CHD2: variants seen among roughly 807,000 people sequenced by gnomAD.
CHD2 encodes the protein ATP-dependent chromatin remodeler CHD2.
Under a neutral mutation model 243.9 loss-of-function variants are expected in CHD2, and 28 were observed. That is an observed-to-expected ratio of 0.11 (90% CI 0.09 to 0.16). The LOEUF is 0.16. CHD2 is among the 10% of genes least tolerant of loss of function. The probability of loss-of-function intolerance (pLI) is 1.00; values close to 1 mark genes in which losing one functional copy is unlikely to be tolerated. For missense variants in CHD2, 1,386 were observed against 2,209.8 expected (o/e 0.63, Z 7.47); for synonymous variants, 775 against 779.0 (o/e 0.99, Z 0.09).
chr15:92,919,454 A>C (rs1016425603), intron 2 of CHD2, among the ~76,000 whole-genome samples: 1 of 151,582 alleles, frequency 6.6e-6, no homozygotes, highest in Non-Finnish European at 1.5e-5. Flanking sequence ...GTGCAATGGC[A>C]CGATTGCGGC....
At chr15:92,999,083 C>CAAAAAAAAAAAAAAAAAAA (rs55738843) in intron 31 of CHD2, among the ~76,000 whole-genome samples, 5 of 65,528 alleles carry the variant, frequency 7.6e-5, no homozygotes, top group Non-Finnish European at 1.1e-4. Context: ...GACTCCGTCT[C>CAAAAAAAAAAAAAAAAAAA]AAAAAAAAAA....
chr15:92,986,859 G>C (rs1380693971), intron 26 of CHD2, among the ~76,000 whole-genome samples: 1 of 152,050 alleles, frequency 6.6e-6, no homozygotes, highest in Non-Finnish European at 1.5e-5. Context: ...AGCCTCCCAG[G>C]TAGCCAGGTC....
intron 1 of CHD2, among the ~76,000 whole-genome samples, 158 bp from the exon 2 acceptor site, chr15:92,901,006 CTGT>C (rs1433537577): frequency 2.0e-5 from 3 of 150,470 alleles, no homozygotes; most frequent in African/African-American, 4.9e-5. Flanking sequence ...TCGGTTTATC[CTGT>C]TGTTTTTTCT....
intron 16 of CHD2, among the ~76,000 whole-genome samples, chr15:92,960,096 T>C (rs755540467): frequency 2.0e-5 from 3 of 152,226 alleles, no homozygotes; most frequent in Non-Finnish European, 2.9e-5. Context: ...ATTCAAAATA[T>C]TCTTTTAATT....
At chr15:92,999,915 TTG>T (rs2054232320) in intron 31 of CHD2, among the ~76,000 whole-genome samples, 5 of 152,200 alleles carry the variant, frequency 3.3e-5, no homozygotes, top group Non-Finnish European at 7.3e-5. Flanking sequence ...TTAAAAAAAA[TTG>T]TGTCTTTAGG....
At chr15:93,000,221 G>A (rs1042722466) in intron 31 of CHD2, among the ~76,000 whole-genome samples, 1 of 152,050 alleles carries the variant, frequency 6.6e-6, no homozygotes, top group South Asian at 2.1e-4. Flanking sequence ...AGGCAAGATG[G>A]CACCTCTACA....
At chr15:92,921,557 G>C (rs1210498084) in intron 2 of CHD2, 1 of 152,122 alleles carries the variant, frequency 6.6e-6, no homozygotes, top group African/African-American at 2.4e-5. Context: ...CTCTGTACCT[G>C]TCTGTCCATG....
chr15:92,921,495 C>T (rs996361174), intron 2 of CHD2: 5 of 152,132 alleles, frequency 3.3e-5, no homozygotes, highest in Non-Finnish European at 7.4e-5. Context: ...AGTAGACTGC[C>T]CTTTCTATTA....
chr15:93,001,676 C>T (rs2054258507), intron 32 of CHD2, among the ~76,000 whole-genome samples: 2 of 152,062 alleles, frequency 1.3e-5, no homozygotes, highest in Admixed American at 6.6e-5. Flanking sequence ...GCCACCACAC[C>T]TGGCTAGTTT....
intron 12 of CHD2, among the ~76,000 whole-genome samples, chr15:92,948,554 C>T (rs749678245): frequency 2.6e-4 from 39 of 152,200 alleles, no homozygotes; most frequent in Middle Eastern, 6.8e-3. Flanking sequence ...AAGTTTTTGG[C>T]CAGGCGCGGT....
chr15:93,020,380 G>C, intron 38 of CHD2, 122 bp downstream of exon 38: 4 of 1,236,042 alleles, frequency 3.2e-6, no homozygotes, highest in Non-Finnish European at 4.6e-6. Context: ...TCATGCATGT[G>C]TCAGCCACAG....
At chr15:92,903,486 T>C (rs2052559312) in intron 2 of CHD2, among the ~76,000 whole-genome samples, 1 of 152,216 alleles carries the variant, frequency 6.6e-6, no homozygotes, top group Non-Finnish European at 1.5e-5. Flanking sequence ...CAGTAGTTAA[T>C]AGTGGTTATA....
At chr15:92,923,561 G>GTTTTTT (rs1199703270) in intron 2 of CHD2, among the ~76,000 whole-genome samples, 4 of 121,528 alleles carry the variant, frequency 3.3e-5, no homozygotes, top group East Asian at 2.3e-4. Context: ...TGTCCAGCTT[G>GTTTTTT]TTTTTTTTTT....
chr15:93,027,162 C>T lies in CHD2; in HGVS notation c.*2457C>T, dbSNP rs1393035074. 2 of 152,572 alleles carry T rather than the reference C, an allele frequency of 1.3e-5. No homozygotes were observed. Among genetic ancestry groups the T allele is most frequent in the Non-Finnish European group, 2.9e-5 (2 of 68,034 alleles). 9.5% of individuals were successfully genotyped at this position (152,572 alleles called of 1,614,324 possible). ...TGCTGGGAAAAAGGAAGCATTTCTT[C>T]ATTGATTTAAATCAGTATGAATATT... On this transcript the variant is annotated 3_prime_UTR_variant, in exon 39 of 39. Transcript: ENST00000394196.
chr15:92,912,848 C>A (rs569105086), intron 2 of CHD2, among the ~76,000 whole-genome samples: 1 of 152,234 alleles, frequency 6.6e-6, no homozygotes, highest in East Asian at 1.9e-4. Flanking sequence ...CTGCGCCAGG[C>A]CCTGACAAAC....
In CHD2 at chr15:93,024,649, A is replaced by G; in HGVS notation, c.5431A>G (p.Arg1811Gly). ...CCTGGATCATAGGTCTCCTTTGGAG[A>G]GATCACTAGAACAGAAAAACAACCC... Reference protein sequence around the residue: ...SPLDHRSPLERSLEQKNNPDY... With the variant: ...SPLDHRSPLEGSLEQKNNPDY... Residue 1811 changes from arginine (R) to glycine (G), a missense_variant, in exon 39 of 39, where the codon AGA becomes GGA. Around this residue, in one of 19 missense-constraint regions of CHD2, gnomAD observed 347 missense variants for 341.6 expected, o/e 1.02. Transcript: ENST00000394196. 6.2e-7 allele frequency: 1 copy of G among 1,613,170 alleles called. No homozygotes were observed. The highest frequency in any genetic ancestry group is 1.1e-5 in the South Asian group (1 of 90,880).
chr15:92,970,199 A>T (rs1039831332), intron 17 of CHD2, among the ~76,000 whole-genome samples: 4 of 151,390 alleles, frequency 2.6e-5, no homozygotes, highest in African/African-American at 4.9e-5. Flanking sequence ...CCCCATAGGT[A>T]ATTATTATTA....
intron 2 of CHD2, among the ~76,000 whole-genome samples, chr15:92,912,187 C>T (rs1036610631): frequency 6.6e-6 from 1 of 152,132 alleles, no homozygotes; most frequent in African/African-American, 2.4e-5. Context: ...ACAGGTTTTG[C>T]ATGAGAATCA....
chr15:92,970,160 C>T (rs944167798), intron 17 of CHD2, among the ~76,000 whole-genome samples: 1 of 152,014 alleles, frequency 6.6e-6, no homozygotes, highest in African/African-American at 2.4e-5. Context: ...TAGCTTCAGT[C>T]CCTCTTCCCT....
Sources: gnomAD v4.1 joint callset for allele counts (sites outside exome capture counted in the v4.1 genomes callset) on GRCh38, gnomAD v4.1.1 for gene constraint, gnomAD v4.1.1 regional missense constraint, MANE v1.5 for transcripts, NCBI Gene and HGNC (gene_info 2026-07-23, HGNC 2026-07-21) for gene names.